PICALM: variants seen among roughly 807,000 people sequenced by gnomAD.
The protein encoded by PICALM is phosphatidylinositol-binding clathrin assembly protein.
A neutral mutation model predicts 80.5 loss-of-function variants in PICALM; 40 were observed. That is an observed-to-expected ratio of 0.50 (90% CI 0.39 to 0.65). PICALM has a LOEUF of 0.65. PICALM is among the 30% of genes least tolerant of loss of function. The probability of loss-of-function intolerance (pLI) is 0.00; values close to 1 mark genes in which losing one functional copy is unlikely to be tolerated. For synonymous variants in PICALM, 288 were observed against 260.3 expected (o/e 1.11, Z -1.02); for missense variants, 676 against 778.9 (o/e 0.87, Z 1.57).
intron 13 of PICALM, among the ~76,000 whole-genome samples, chr11:85,986,798 G>A (rs1310253979): frequency 6.6e-6 from 1 of 152,128 alleles, no homozygotes; most frequent in Non-Finnish European, 1.5e-5. Context: ...ATACACGCGT[G>A]CGCACATGCT....
At chr11:86,009,230 T>C (rs2095343583) in intron 7 of PICALM, among the ~76,000 whole-genome samples, 1 of 121,176 alleles carries the variant, frequency 8.3e-6, no homozygotes, top group Non-Finnish European at 1.6e-5. Context: ...GAGGCAGAGG[T>C]TGCAGCGAGA....
At chr11:85,962,353 C>T (rs1254724825) in intron 19 of PICALM, among the ~76,000 whole-genome samples, 1 of 152,128 alleles carries the variant, frequency 6.6e-6, no homozygotes, top group African/African-American at 2.4e-5. Context: ...TTCTTTTTCA[C>T]CTACAGTTAA....
intron 1 of PICALM, among the ~76,000 whole-genome samples, chr11:86,066,126 T>C (rs931550473): frequency 3.3e-5 from 5 of 152,180 alleles, no homozygotes; most frequent in African/African-American, 1.2e-4. Flanking sequence ...AGCCTAAAGT[T>C]CATGATGTCA....
At chr11:86,013,506 G>GA (rs2095432835) in intron 5 of PICALM, among the ~76,000 whole-genome samples, 1 of 151,954 alleles carries the variant, frequency 6.6e-6, no homozygotes, top group Non-Finnish European at 1.5e-5. Flanking sequence ...CACACAGAGG[G>GA]AGAGACAGAC....
At chr11:86,055,306 G>GAAA (rs1555147921) in intron 1 of PICALM, among the ~76,000 whole-genome samples, 2 of 148,796 alleles carry the variant, frequency 1.3e-5, no homozygotes, top group African/African-American at 5.0e-5. Context: ...CTCCAGCCTG[G>GAAA]ACAAGAGCAA....
chr11:86,035,350 C>T (rs1015042927), intron 1 of PICALM, among the ~76,000 whole-genome samples: 4 of 152,138 alleles, frequency 2.6e-5, no homozygotes, highest in African/African-American at 7.2e-5. Flanking sequence ...GGCAACCCAG[C>T]CAGTGGCCTG....
chr11:86,030,626 G>A (rs556344669), intron 2 of PICALM, among the ~76,000 whole-genome samples: 3 of 152,174 alleles, frequency 2.0e-5, no homozygotes, highest in Non-Finnish European at 2.9e-5. Context: ...AAAGTAAGAT[G>A]ATTCTCTCAA....
intron 19 of PICALM, among the ~76,000 whole-genome samples, chr11:85,965,824 T>G (rs1344331709): frequency 3.5e-5 from 5 of 144,292 alleles, no homozygotes; most frequent in African/African-American, 7.7e-5. Flanking sequence ...TGTTTTTTTT[T>G]TTTTTTTTTT....
At chr11:85,978,101 TC>T in intron 17 of PICALM, 1 of 1,611,460 alleles carries the variant, frequency 6.2e-7, no homozygotes. Flanking sequence ...ATTCTGTTTT[TC>T]CCAGGGAGAA....
intron 12 of PICALM, among the ~76,000 whole-genome samples, chr11:85,991,975 C>T (rs2094794528): frequency 6.6e-6 from 1 of 152,070 alleles, no homozygotes; most frequent in South Asian, 2.1e-4. Context: ...CCCACCTCAG[C>T]CTTCCGAGTA....
intron 3 of PICALM, among the ~76,000 whole-genome samples, chr11:86,024,609 C>A (rs2095620984): frequency 6.6e-6 from 1 of 151,818 alleles, no homozygotes; most frequent in Non-Finnish European, 1.5e-5. Context: ...AATTCCCTCT[C>A]CCCTCCTCTC....
At chr11:85,998,437 C>T (rs1025277233) in intron 11 of PICALM, among the ~76,000 whole-genome samples, 3 of 151,652 alleles carry the variant, frequency 2.0e-5, no homozygotes, top group Non-Finnish European at 4.4e-5. Flanking sequence ...TAATGAACAA[C>T]TCAAAACATG....
chr11:85,982,725 C>T (rs529904), intron 14 of PICALM, among the ~76,000 whole-genome samples: 79,099 of 151,502 alleles, frequency 0.52, 21,659 homozygotes, highest in African/African-American at 0.69. Context: ...CCGCGCCCGG[C>T]CGAGACCTTT....
chr11:85,974,895 A>C (rs2094225497), intron 18 of PICALM, 83 bp from the exon 19 acceptor site: 1 of 940,138 alleles, frequency 1.1e-6, no homozygotes, highest in African/African-American at 1.6e-5. Context: ...AACAGGGATG[A>C]CAGGTCCTAG....
intron 12 of PICALM, among the ~76,000 whole-genome samples, chr11:85,996,535 A>C (rs540802318): frequency 6.6e-6 from 1 of 152,306 alleles, no homozygotes; most frequent in African/African-American, 2.4e-5. Context: ...TTATGGAATA[A>C]AAATTCAACA....
intron 2 of PICALM, 68 bp from the exon 3 acceptor site, chr11:86,026,435 G>T: frequency 2.3e-6 from 2 of 888,380 alleles, no homozygotes. Flanking sequence ...AAAATTAGGA[G>T]GAAAAGTTAT....
At chr11:86,067,689 T>G (rs1347067815) in intron 1 of PICALM, among the ~76,000 whole-genome samples, 5 of 152,170 alleles carry the variant, frequency 3.3e-5, no homozygotes, top group Admixed American at 6.5e-5. Flanking sequence ...GTAAGTAAAT[T>G]TATTAATCCA....
At chr11:86,021,674 T>A (rs1426287018) in intron 4 of PICALM, among the ~76,000 whole-genome samples, 2 of 152,114 alleles carry the variant, frequency 1.3e-5, no homozygotes, top group African/African-American at 4.8e-5. Flanking sequence ...ACACAGCAAT[T>A]CCACTTCTAG....
At chr11:86,003,631 C>A in intron 8 of PICALM, 180 bp from the exon 9 acceptor site, 1 of 400,102 alleles carries the variant, frequency 2.5e-6, no homozygotes. Context: ...ACAAACGTGA[C>A]CTAGTTGGAG....
Sources: allele counts gnomAD v4.1 joint callset (sites outside exome capture counted in the v4.1 genomes callset), GRCh38; gene constraint gnomAD v4.1.1; transcripts MANE v1.5; gene names NCBI Gene and HGNC (gene_info 2026-07-23, HGNC 2026-07-21).